Variants in PKDREJ observed in about 807,000 individuals in gnomAD.
PKDREJ encodes polycystin family receptor for egg jelly.
For missense variants in PKDREJ, 2,507 were observed against 2,807.2 expected (o/e 0.89, Z 2.42); for synonymous variants, 1,031 against 1,095.5 (o/e 0.94, Z 1.16).
chr22:46,257,906 CA>C lies in PKDREJ; in HGVS notation c.5416del (p.Cys1806ValfsTer44), dbSNP rs747333656. ...TTGCACAAACTTTTCGGCAGGTAGA[CA>C]CATTTTTTCACTAGATTTTGCTCTC... The part of the protein sequence containing the change: ...QVRAKSSEKM[C>X]LPAEKFVQNS... On this transcript the variant is annotated frameshift_variant, in exon 1 of 1. Transcript: ENST00000253255. LOFTEE classifies it low-confidence loss of function (END_TRUNC). The surrounding 1 kb of genome is among the most constrained non-coding windows in gnomAD (Gnocchi z 4.7). The C allele has an allele frequency of 6.2e-7, 1 of 1,614,100 alleles. No homozygotes were observed. Among genetic ancestry groups the C allele is most frequent in the Admixed American group, 1.7e-5 (1 of 60,026 alleles).
chr22:46,257,308 T>C lies in PKDREJ; in HGVS notation c.6015A>G (p.Leu2005=). Residue 2005 remains leucine (L), a synonymous_variant, in exon 1 of 1, where the codon TTA becomes TTG. Transcript: ENST00000253255. The surrounding 1 kb of genome is among the most constrained non-coding windows in gnomAD (Gnocchi z 4.7). The part of the protein sequence containing the change: ...RSVYNLLNFA[L]KCIFTVLIVL... Reference sequence around the variant, plus strand: ...CAATCAACACAGTAAATATGCACTTTAAAGCAAAGTTGAGCAAATTATACA... The same window carrying C: ...CAATCAACACAGTAAATATGCACTTCAAAGCAAAGTTGAGCAAATTATACA... 6.2e-7 allele frequency: 1 copy of C among 1,614,068 alleles called. No homozygotes were observed. The highest frequency in any genetic ancestry group is 8.5e-7 in the Non-Finnish European group (1 of 1,180,030).
chr22:46,256,193 C>G lies in PKDREJ; in HGVS notation c.*368G>C, dbSNP rs1461487763. On this transcript the variant is annotated 3_prime_UTR_variant, in exon 1 of 1. Transcript: ENST00000253255. The surrounding 1 kb of genome is among the most constrained non-coding windows in gnomAD (Gnocchi z 5.3). ...CAGAAACACCCAGACAATGCTCCAC[C>G]CTGGCCAGGTCCCTCTCTCAAATCT... 4.7e-6 allele frequency: 1 copy of G among 212,762 alleles called. No homozygotes were observed. Among genetic ancestry groups the G allele is most frequent in the African/African-American group, 2.3e-5 (1 of 42,624 alleles). The allele number at this position is 212,762 out of a possible 1,614,324, so 13.2% of individuals were successfully genotyped here. A position where few individuals can be genotyped will look rare whatever the true frequency, so the allele number is the denominator to read the frequency against.
Position 46,256,958 on chromosome 22 carries a change from A to G in PKDREJ, c.6365T>C (p.Ile2122Thr). ...GQHEWNYSNL[I>T]HSTQTVFSYC... ...GGAAAATACTGTCTGAGTGGAATGA[A>G]TCAAGTTACTGTAGTTCCATTCATG... is the stretch of plus-strand genomic sequence containing the variant. The change falls in exon 1 of 1, where the codon ATT becomes ACT. Residue 2122 changes from isoleucine (I) to threonine (T), a missense_variant. Coordinates refer to ENST00000253255, the MANE Select transcript of PKDREJ (RefSeq NM_006071.2). This position sits in a 1 kb window ranked among gnomAD's most constrained non-coding sequence, Gnocchi z 5.3. The G allele has an allele frequency of 1.2e-6, 2 of 1,614,044 alleles. No homozygotes were observed. The highest frequency in any genetic ancestry group is 1.7e-6 in the Non-Finnish European group (2 of 1,180,000).
rs1325519596 is a variant in PKDREJ, at chr22:46,262,897, G to A, written c.426C>T (p.Ala142=). 5.6e-6 allele frequency: 6 copies of A among 1,071,520 alleles called. No homozygotes were observed. The East Asian group carries it at 2.0e-4, about 36-fold the overall frequency. The allele number at this position is 1,071,520 out of a possible 1,614,324, so 66.4% of individuals were successfully genotyped here. The change falls in exon 1 of 1, where the codon GCC becomes GCT. Residue 142 remains alanine, a synonymous_variant. Coordinates refer to ENST00000253255, the MANE Select transcript of PKDREJ (RefSeq NM_006071.2). This position sits in a 1 kb window ranked among gnomAD's most constrained non-coding sequence, Gnocchi z 8.1. ...CGGGTCCGAGCAGCCGCAGGCGGAA[G>A]GCCCAGGCCAGGCGCCCGGGCGAGC... ...LPRSPGRLAW[A]FRLRLLGPGA...
At position 46,259,493 on chromosome 22, in the gene PKDREJ, C is replaced by A. The variant is rs1005876194; in HGVS notation, c.3830G>T (p.Gly1277Val). The change falls in exon 1 of 1, where the codon GGT (glycine) becomes GTT (valine). Residue 1277 changes from glycine to valine, a missense_variant. Transcript: ENST00000253255. The surrounding 1 kb of genome is among the most constrained non-coding windows in gnomAD (Gnocchi z 6.8). ...SHPHFTTLYR[G>V]SINTFLLTTK... is the part of the protein sequence containing the mutation. ...CGTTAGGAGGAAAGTGTTGATGCTACCTCGGTAGAGAGTTGTGAAATGTGG... is the reference window on the plus strand; with the variant it reads ...CGTTAGGAGGAAAGTGTTGATGCTAACTCGGTAGAGAGTTGTGAAATGTGG... The A allele has an allele frequency of 8.1e-6, 13 of 1,614,076 alleles. No homozygotes were observed. The highest frequency in any genetic ancestry group is 1.1e-5 in the Non-Finnish European group (13 of 1,180,046).
rs1395241127 is a variant in PKDREJ at position 46,262,340 on chromosome 22, T to C, written c.983A>G (p.Tyr328Cys). Residue 328 changes from tyrosine to cysteine, a missense_variant, in exon 1 of 1, where the codon TAT becomes TGT. Tyr to Cys is a radical substitution (Grantham distance 194). Transcript: ENST00000253255. The surrounding 1 kb of genome is among the most constrained non-coding windows in gnomAD (Gnocchi z 8.1). ...MPEVKDSDAV[Y>C]VWIVRSSLQA... ...CAGGGAACTCCTGACGATCCAGACA[T>C]AGACGGCGTCCGAGTCTTTCACCTC... The C allele has an allele frequency of 2.5e-6, 4 of 1,614,048 alleles. No individual in the cohort carries two copies. The highest frequency in any genetic ancestry group is 2.7e-5 in the African/African-American group (2 of 74,930).
rs1936660631 is a variant in PKDREJ at position 46,258,681 on chromosome 22, G to A, written c.4642C>T (p.Gln1548Ter). The change falls in exon 1 of 1, where the codon CAG (glutamine) becomes TAG (stop). Residue 1548 changes from glutamine to a stop codon, truncating the protein, a stop_gained. Transcript: ENST00000253255. LOFTEE classifies it low-confidence loss of function (END_TRUNC). This position sits in a 1 kb window ranked among gnomAD's most constrained non-coding sequence, Gnocchi z 6.1. ...GGGTGCTGTTCGGAATGGACATCCTGATCATCTTCTATGTTGTTATTGGAA... is the reference window on the plus strand; with the variant it reads ...GGGTGCTGTTCGGAATGGACATCCTAATCATCTTCTATGTTGTTATTGGAA... The part of the protein sequence containing the change: ...TNSNNNIEDD[Q>*]DVHSEQHPSQ... 6.2e-7 allele frequency: 1 copy of A among 1,614,102 alleles called. No individual in the cohort carries two copies. The highest frequency in any genetic ancestry group is 8.5e-7 in the Non-Finnish European group (1 of 1,180,058).
Position 46,257,676 on chromosome 22 carries a change from G to A in PKDREJ, c.5647C>T (p.Leu1883Phe), listed in dbSNP as rs778718321. The change falls in exon 1 of 1, where the codon CTC becomes TTC. Residue 1883 changes from leucine to phenylalanine, a missense_variant. Coordinates refer to ENST00000253255, the MANE Select transcript of PKDREJ (RefSeq NM_006071.2). The surrounding 1 kb of genome is among the most constrained non-coding windows in gnomAD (Gnocchi z 4.7). ...CGCTGCTGTTCTGGAAAAAAATAGAGTGCATATCCTCCAGATCCATAGGTG... is the reference window on the plus strand; with the variant it reads ...CGCTGCTGTTCTGGAAAAAAATAGAATGCATATCCTCCAGATCCATAGGTG... ...LHTYGSGGYA[L>F]YFFPEQQRFN... The A allele has an allele frequency of 2.5e-6, 4 of 1,614,156 alleles. No homozygotes were observed. The highest frequency in any genetic ancestry group is 1.1e-5 in the South Asian group (1 of 91,074).
Position 46,257,625 on chromosome 22 carries a change from C to A in PKDREJ, c.5698G>T (p.Glu1900Ter). ...TCCAGCCAATTGCTTTCTTGAAGTT[C>A]TTTGAGCCTCAGTGTGGAATTAAAC... ...QRFNSTLRLK[E>*]LQESNWLDEK... Residue 1900 changes from glutamate to a stop codon, truncating the protein, a stop_gained, in exon 1 of 1, where the codon GAA becomes TAA. Transcript: ENST00000253255. LOFTEE classifies it low-confidence loss of function (END_TRUNC). This position sits in a 1 kb window ranked among gnomAD's most constrained non-coding sequence, Gnocchi z 4.7. 6.2e-7 allele frequency: 1 copy of A among 1,614,056 alleles called. No individual in the cohort carries two copies. Among genetic ancestry groups the A allele is most frequent in the Middle Eastern group, 1.6e-4 (1 of 6,062 alleles).
At position 46,257,290 on chromosome 22, in the gene PKDREJ, C is replaced by T. The variant is rs201971113; in HGVS notation, c.6033G>A (p.Val2011=). The T allele has an allele frequency of 2.0e-5, 32 of 1,614,086 alleles. No individual in the cohort carries two copies. The East Asian group carries it at 7.1e-4, about 36-fold the overall frequency. The stretch of plus-strand genomic sequence containing the variant: ...GTTTCCTGAGAAAGAGCACAATCAA[C>T]ACAGTAAATATGCACTTTAAAGCAA... ...LNFALKCIFT[V]LIVLFLRKHF... Residue 2011 remains valine, a synonymous_variant, in exon 1 of 1, where the codon GTG becomes GTA. Coordinates refer to ENST00000253255, the MANE Select transcript of PKDREJ (RefSeq NM_006071.2). This position sits in a 1 kb window ranked among gnomAD's most constrained non-coding sequence, Gnocchi z 4.7.
chr22:46,262,249 C>T lies in PKDREJ; in HGVS notation c.1074G>A (p.Gly358=), dbSNP rs1316055624. ...ANFTEQLILD[G]STSSDPDADS... The stretch of plus-strand genomic sequence containing the variant: ...CCGCATCTGGGTCCGAGGACGTGGA[C>T]CCGTCCAGAATCAGCTGCTCTGTGA... Residue 358 remains glycine, a synonymous_variant, in exon 1 of 1, where the codon GGG becomes GGA. Coordinates refer to ENST00000253255, the MANE Select transcript of PKDREJ (RefSeq NM_006071.2). The surrounding 1 kb of genome is among the most constrained non-coding windows in gnomAD (Gnocchi z 8.1). 3.1e-6 allele frequency: 5 copies of T among 1,614,206 alleles called. No individual in the cohort carries two copies. Among genetic ancestry groups the T allele is most frequent in the East Asian group, 2.2e-5 (1 of 44,888 alleles).
At position 46,261,562 on chromosome 22, in the gene PKDREJ, A is replaced by G; in HGVS notation, c.1761T>C (p.Phe587=). 1 of 1,614,108 alleles carries G rather than the reference A, an allele frequency of 6.2e-7. No homozygotes were observed. Reference sequence around the variant, plus strand: ...ATGTAAGAGGGACGTGCTTATCCCTAAAATTACTACACTGGACAACAAATT... The same window carrying G: ...ATGTAAGAGGGACGTGCTTATCCCTGAAATTACTACACTGGACAACAAATT... The part of the protein sequence containing the change: ...ITKFVVQCSN[F]RDKHVPLTYK... Residue 587 remains phenylalanine (F), a synonymous_variant, in exon 1 of 1, where the codon TTT becomes TTC. Coordinates refer to ENST00000253255, the MANE Select transcript of PKDREJ (RefSeq NM_006071.2). This position sits in a 1 kb window ranked among gnomAD's most constrained non-coding sequence, Gnocchi z 7.1.
Position 46,260,220 on chromosome 22 carries a change from G to A in PKDREJ, c.3103C>T (p.Pro1035Ser). 1.2e-6 allele frequency: 2 copies of A among 1,614,148 alleles called. No homozygotes were observed. The highest frequency in any genetic ancestry group is 1.7e-6 in the Non-Finnish European group (2 of 1,180,020). ...VATFLVPHDI[P>S]PFASQSALFD... ...AGGGCACTCTGGCTGGCAAATGGAG[G>A]GATGTCATGAGGCACCAGGAAGGTG... Residue 1035 changes from proline (P) to serine (S), a missense_variant, in exon 1 of 1, where the codon CCT (proline) becomes TCT (serine). Coordinates refer to ENST00000253255, the MANE Select transcript of PKDREJ (RefSeq NM_006071.2). This position sits in a 1 kb window ranked among gnomAD's most constrained non-coding sequence, Gnocchi z 4.5.
Position 46,258,807 on chromosome 22 carries a change from G to A in PKDREJ, c.4516C>T (p.Pro1506Ser), listed in dbSNP as rs758054596. The A allele has an allele frequency of 1.9e-6, 3 of 1,614,030 alleles. No homozygotes were observed. Among genetic ancestry groups the A allele is most frequent in the African/African-American group, 1.3e-5 (1 of 74,908 alleles). Residue 1506 changes from proline (P) to serine (S), a missense_variant, in exon 1 of 1, where the codon CCC becomes TCC. Pro to Ser is a moderately conservative substitution (Grantham distance 74, BLOSUM62 -1). Transcript: ENST00000253255. The surrounding 1 kb of genome is among the most constrained non-coding windows in gnomAD (Gnocchi z 6.1). ...EVAKPASKGK[P>S]RLPKASPKAT... The stretch of plus-strand genomic sequence containing the variant: ...TTAGGAGAAGCCTTTGGAAGCCTGG[G>A]CTTTCCTTTAGATGCAGGTTTTGCA...
At position 46,261,732 on chromosome 22, in the gene PKDREJ, A is replaced by G. The variant is rs1936698680; in HGVS notation, c.1591T>C (p.Leu531=). The change falls in exon 1 of 1, where the codon TTG becomes CTG. Residue 531 remains leucine, a synonymous_variant. Transcript: ENST00000253255. This position sits in a 1 kb window ranked among gnomAD's most constrained non-coding sequence, Gnocchi z 7.1. The stretch of plus-strand genomic sequence containing the variant: ...AGAGAAATCGAAAACTCAGCTTCCA[A>G]AAAATGCCGAAAAGCAAAAGCTTTT... The part of the protein sequence containing the change: ...SIKAFAFRHF[L]EAEFSISLYL... 1 of 1,614,096 alleles carries G rather than the reference A, an allele frequency of 6.2e-7. No homozygotes were observed. The highest frequency in any genetic ancestry group is 8.5e-7 in the Non-Finnish European group (1 of 1,180,026).
Position 46,263,308 on chromosome 22 carries a change from GGGCCCAGGCCTCATGGCGCC to G in PKDREJ, c.-6_14del. On this transcript the variant is annotated start_lost and 5_prime_UTR_variant, in exon 1 of 1. Transcript: ENST00000253255. This position sits in a 1 kb window ranked among gnomAD's most constrained non-coding sequence, Gnocchi z 9.4. The stretch of plus-strand genomic sequence containing the variant: ...GGCCCACGCCCAGAAGGAGGAGAGC[GGGCCCAGGCCTCATGGCGCC>G]GGCCCAGGAGAAGCTGGGAGAGGCC... 1 of 1,441,972 alleles carries G rather than the reference GGGCCCAGGCCTCATGGCGCC, an allele frequency of 6.9e-7. No individual in the cohort carries two copies. The highest frequency in any genetic ancestry group is 9.0e-7 in the Non-Finnish European group (1 of 1,106,564). 89.3% of individuals were successfully genotyped at this position (1,441,972 alleles called of 1,614,324 possible).
Position 46,257,546 on chromosome 22 carries a change from T to C in PKDREJ, c.5777A>G (p.Asn1926Ser), listed in dbSNP as rs749292403. 6.2e-7 allele frequency: 1 copy of C among 1,614,146 alleles called. No individual in the cohort carries two copies. The highest frequency in any genetic ancestry group is 1.1e-5 in the South Asian group (1 of 91,086). ...LELTTFNPDI[N>S]LFCSISVIFE... Reference sequence around the variant, plus strand: ...TATGACCGAAATGCTACAGAACAGATTTATATCTGGATTAAAAGTTGTTAA... The same window carrying C: ...TATGACCGAAATGCTACAGAACAGACTTATATCTGGATTAAAAGTTGTTAA... Residue 1926 changes from asparagine (N) to serine (S), a missense_variant, in exon 1 of 1, where the codon AAT becomes AGT. Physicochemically the swap from Asn to Ser is conservative, Grantham distance 46. Transcript: ENST00000253255. The surrounding 1 kb of genome is among the most constrained non-coding windows in gnomAD (Gnocchi z 4.7).
rs1240207640 is a variant in PKDREJ, at chr22:46,261,804, A to G, written c.1519T>C (p.Trp507Arg). ...SSSGGEMLFD[W>R]MGETVTGRNG... ...CTTCCTGTTACAGTTTCCCCCATCC[A>G]ATCAAATAGCATCTCACCACCTGAA... is the stretch of plus-strand genomic sequence containing the variant. The change falls in exon 1 of 1, where the codon TGG (tryptophan) becomes CGG (arginine). Residue 507 changes from tryptophan to arginine, a missense_variant. Trp to Arg is a moderately radical substitution (Grantham distance 101). Transcript: ENST00000253255. This position sits in a 1 kb window ranked among gnomAD's most constrained non-coding sequence, Gnocchi z 7.1. 1.9e-6 allele frequency: 3 copies of G among 1,613,974 alleles called. No individual in the cohort carries two copies. Among genetic ancestry groups the G allele is most frequent in the Non-Finnish European group, 2.5e-6 (3 of 1,180,044 alleles).
Position 46,256,361 on chromosome 22 carries a change from G to T in PKDREJ, c.*200C>A. 4 of 798,814 alleles carry T rather than the reference G, an allele frequency of 5.0e-6. No individual in the cohort carries two copies. Among genetic ancestry groups the T allele is most frequent in the Non-Finnish European group, 7.6e-6 (4 of 525,248 alleles). The allele number at this position is 798,814 out of a possible 1,614,324, so 49.5% of individuals were successfully genotyped here. ...ACACTGTGATCCTGCTGTCTCCCCA[G>T]ATGCTACACTACACTCCCAACTTTT... On this transcript the variant is annotated 3_prime_UTR_variant, in exon 1 of 1. Coordinates refer to ENST00000253255, the MANE Select transcript of PKDREJ (RefSeq NM_006071.2). This position sits in a 1 kb window ranked among gnomAD's most constrained non-coding sequence, Gnocchi z 5.3.
Sources: gnomAD v4.1 joint callset for allele counts on GRCh38, gnomAD v4.1.1 for gene constraint, Gnocchi (gnomAD v3.1) non-coding constraint, MANE v1.5 for transcripts, NCBI Gene and HGNC (gene_info 2026-07-23, HGNC 2026-07-21) for gene names.